SUCLA2: variants seen among roughly 807,000 people sequenced by gnomAD.
The protein encoded by SUCLA2 is succinate--CoA ligase [ADP-forming] subunit beta, mitochondrial.
Under a neutral mutation model 54.8 loss-of-function variants are expected in SUCLA2, and 30 were observed. That is an observed-to-expected ratio of 0.55 (90% CI 0.41 to 0.74). The LOEUF (loss-of-function observed/expected upper bound fraction) is 0.74. Ranked by LOEUF, SUCLA2 falls within the 30% of genes least tolerant of loss-of-function variation. The probability of loss-of-function intolerance (pLI) is 0.00; values close to 1 mark genes in which losing one functional copy is unlikely to be tolerated. For missense variants in SUCLA2, 476 were observed against 562.9 expected (o/e 0.85, Z 1.56); for synonymous variants, 172 against 188.9 (o/e 0.91, Z 0.74).
intron 5 of SUCLA2, among the ~76,000 whole-genome samples, chr13:47,972,528 G>T (rs1192803257): frequency 6.6e-6 from 1 of 151,522 alleles, no homozygotes; most frequent in African/African-American, 2.4e-5. Flanking sequence ...AATTAGCCAG[G>T]TGTGTTGGCA....
chr13:47,991,092 C>A (rs1403461193), intron 2 of SUCLA2, among the ~76,000 whole-genome samples: 1 of 152,168 alleles, frequency 6.6e-6, no homozygotes, highest in Non-Finnish European at 1.5e-5. Flanking sequence ...TGATCCCAAC[C>A]ACCACTATCT....
At position 47,988,953 on chromosome 13, in the gene SUCLA2, C is replaced by T. The variant is rs766780691; in HGVS notation, c.300G>A (p.Gln100=). 6.2e-7 allele frequency: 1 copy of T among 1,613,706 alleles called. No individual in the cohort carries two copies. The highest frequency in any genetic ancestry group is 8.5e-7 in the Non-Finnish European group (1 of 1,179,986). Residue 100 remains glutamine, a synonymous_variant, in exon 3 of 11, where the codon CAG becomes CAA. Coordinates refer to ENST00000646932, the MANE Select transcript of SUCLA2 (RefSeq NM_003850.3). ...LGSKDVVIKA[Q]VLAGGRGKGT... Reference sequence around the variant, plus strand: ...CTTTTCCTCTACCACCAGCTAAAACCTGTGCCTTTATCACGACATCTTTTG... The same window carrying T: ...CTTTTCCTCTACCACCAGCTAAAACTTGTGCCTTTATCACGACATCTTTTG...
At chr13:47,963,659 A>G (rs78143144) in intron 6 of SUCLA2, among the ~76,000 whole-genome samples, 1 of 746 alleles carries the variant, frequency 1.3e-3, no homozygotes, top group Non-Finnish European at 2.5e-3. Flanking sequence ...CAAACAAACA[A>G]AAAAAAAAAC....
chr13:47,948,376 CGTGCATGTGTGT>C (rs199529601), intron 10 of SUCLA2, among the ~76,000 whole-genome samples: 3,257 of 151,936 alleles, frequency 0.021, 104 homozygotes, highest in Non-Finnish European at 0.023. Flanking sequence ...TGTGTGTGTG[CGTGCATGTGTGT>C]GTGCGCACAT....
intron 6 of SUCLA2, among the ~76,000 whole-genome samples, chr13:47,964,848 C>T (rs1287881103): frequency 6.6e-6 from 1 of 151,556 alleles, no homozygotes; most frequent in African/African-American, 2.4e-5. Flanking sequence ...CAGAGCAAGA[C>T]CCCGTCTCAA....
intron 5 of SUCLA2, 72 bp downstream of exon 5, chr13:47,973,192 A>C: frequency 1.5e-6 from 2 of 1,315,674 alleles, no homozygotes; most frequent in Non-Finnish European, 2.2e-6. Context: ...CAATTACTTC[A>C]GTTGTACGGT....
intron 10 of SUCLA2, 97 bp from the exon 11 acceptor site, chr13:47,943,542 A>T: frequency 9.7e-7 from 1 of 1,036,098 alleles, no homozygotes. Flanking sequence ...CATTTAAAAC[A>T]TCTGGACTAT....
At chr13:47,996,401 C>T (rs8000164) in intron 2 of SUCLA2, among the ~76,000 whole-genome samples, 94,209 of 150,866 alleles carry the variant, frequency 0.62, 30,370 homozygotes, top group East Asian at 0.77. Flanking sequence ...TTTTTGTTCC[C>T]CTTTGGTTCC....
At chr13:47,955,908 A>G (rs1327431013) in intron 6 of SUCLA2, among the ~76,000 whole-genome samples, 2 of 152,214 alleles carry the variant, frequency 1.3e-5, no homozygotes, top group African/African-American at 4.8e-5. Context: ...AACACAGGAG[A>G]AAAAGTTTGG....
chr13:47,952,786 G>C (rs1265280420), intron 8 of SUCLA2, among the ~76,000 whole-genome samples: 1 of 152,054 alleles, frequency 6.6e-6, no homozygotes, highest in Non-Finnish European at 1.5e-5. Flanking sequence ...CACAAATGTG[G>C]TCACAATTTG....
intron 6 of SUCLA2, among the ~76,000 whole-genome samples, chr13:47,955,584 G>GAGA (rs201977322): frequency 8.5e-5 from 13 of 152,092 alleles, no homozygotes; most frequent in Admixed American, 7.9e-4. Flanking sequence ...GGAAAAGAAA[G>GAGA]AGAAGAAGAA....
chr13:47,996,760 AGTT>A lies in SUCLA2; in HGVS notation c.271+80_271+82del, dbSNP rs971004272. The A allele has an allele frequency of 3.0e-5, 40 of 1,349,094 alleles. No homozygotes were observed. The African/African-American group carries it at 4.3e-4, about 14-fold the overall frequency. 83.6% of individuals were successfully genotyped at this position (1,349,094 alleles called of 1,614,324 possible). ...GTATTTTTTTTAAAAAAAAGCTAAA[AGTT>A]GTTATCAAACCAAAAACAAACTTCA... On this transcript the variant is annotated intron_variant, in intron 2 of 10. Transcript: ENST00000646932.
intron 8 of SUCLA2, among the ~76,000 whole-genome samples, chr13:47,951,681 A>G (rs1229441823): frequency 6.6e-6 from 1 of 152,180 alleles, no homozygotes; most frequent in East Asian, 1.9e-4. Flanking sequence ...CTTCTATCCC[A>G]TGCAAGCTCT....
chr13:47,992,402 AAAAAAAAAT>A (rs1288596035), intron 2 of SUCLA2, among the ~76,000 whole-genome samples: 2 of 151,990 alleles, frequency 1.3e-5, no homozygotes, highest in African/African-American at 4.8e-5. Context: ...AAAAAAAAAA[AAAAAAAAAT>A]TTTTCATGAA....
chr13:47,970,577 CT>C (rs2137718019), intron 5 of SUCLA2, among the ~76,000 whole-genome samples: 1 of 152,248 alleles, frequency 6.6e-6, no homozygotes, highest in Admixed American at 6.5e-5. Context: ...AATTCTTGCA[CT>C]TGGCTGGGCA....
chr13:47,970,034 G>C (rs113954918), intron 5 of SUCLA2, among the ~76,000 whole-genome samples: 7,333 of 150,426 alleles, frequency 0.049, 244 homozygotes, highest in Non-Finnish European at 0.076. Flanking sequence ...CTCAGGAGGT[G>C]GAGGTTGCAG....
At chr13:47,962,180 A>G (rs1949876053) in intron 6 of SUCLA2, among the ~76,000 whole-genome samples, 2 of 152,226 alleles carry the variant, frequency 1.3e-5, no homozygotes, top group East Asian at 1.9e-4. Context: ...CTTTTGAGCT[A>G]TATATAGCCT....
At chr13:47,992,379 C>CA (rs1950156552) in intron 2 of SUCLA2, among the ~76,000 whole-genome samples, 1 of 69,988 alleles carries the variant, frequency 1.4e-5, no homozygotes, top group African/African-American at 6.0e-5. Context: ...AAGCCCTTCA[C>CA]AACGAAAGCA....
rs186298074 is a variant in SUCLA2, at chr13:47,949,551, A to G, written c.1160T>C (p.Ile387Thr). 1 of 1,613,522 alleles carries G rather than the reference A, an allele frequency of 6.2e-7. No homozygotes were observed. Among genetic ancestry groups the G allele is most frequent in the Non-Finnish European group, 8.5e-7 (1 of 1,179,586 alleles). ...IFGGIMRCDV[I>T]AQGIVMAVKD... Reference sequence around the variant, plus strand: ...TACTGCCATGACTATACCCTGTGCAATAACATCACAGCGCATGATTCCTCC... The same window carrying G: ...TACTGCCATGACTATACCCTGTGCAGTAACATCACAGCGCATGATTCCTCC... Residue 387 changes from isoleucine (I) to threonine (T), a missense_variant, in exon 9 of 11, where the codon ATT becomes ACT. Physicochemically the swap from Ile to Thr is moderately conservative, Grantham distance 89. Around this residue, in one of 2 missense-constraint regions of SUCLA2, gnomAD observed 342 missense variants for 444.2 expected, o/e 0.77. Transcript: ENST00000646932.
Sources: gnomAD v4.1 joint callset for allele counts (sites outside exome capture counted in the v4.1 genomes callset) on GRCh38, gnomAD v4.1.1 for gene constraint, gnomAD v4.1.1 regional missense constraint, MANE v1.5 for transcripts, NCBI Gene and HGNC (gene_info 2026-07-23, HGNC 2026-07-21) for gene names.